The following ADGRB3 variants were observed in gnomAD, a reference collection of about 807,000 sequenced individuals.
ADGRB3 encodes the protein brain-specific angiogenesis inhibitor 3.
ADGRB3 carries 37 observed loss-of-function variants against 193.4 expected under a neutral mutation model. The ratio of observed to expected loss-of-function variants is 0.19; its 90% confidence interval spans 0.15 to 0.25. The LOEUF (loss-of-function observed/expected upper bound fraction) is 0.25. Among genes scored for constraint, ADGRB3 ranks in the 10% least tolerant of loss-of-function variants. The probability of loss-of-function intolerance (pLI) is 1.00; values close to 1 mark genes in which losing one functional copy is unlikely to be tolerated. For synonymous variants in ADGRB3, 690 were observed against 644.2 expected (o/e 1.07, Z -1.08); for missense variants, 1,637 against 1,852.9 (o/e 0.88, Z 2.14).
Position 68,827,642 on chromosome 6 carries a change from G to C in ADGRB3, c.758-102917G>C, listed in dbSNP as rs543732947. Among the ~76,000 whole-genome samples, 158 of 152,110 alleles carry C rather than the reference G, an allele frequency of 1.0e-3. 2 individuals carry two copies. The highest frequency in any genetic ancestry group is 3.7e-3 in the African/African-American group (153 of 41,510). On this transcript the variant is annotated intron_variant, in intron 3 of 31. Coordinates refer to ENST00000370598, the MANE Select transcript of ADGRB3 (RefSeq NM_001704.3). The stretch of plus-strand genomic sequence containing the variant: ...GCCAAGAGAGCTTAGGATTTAAAAG[G>C]ATGTTTATCTTCAGGGTTTTTTTTG...
chr6:69,387,042 C>T (rs558565608), intron 31 of ADGRB3, among the ~76,000 whole-genome samples: 1 of 152,202 alleles, frequency 6.6e-6, no homozygotes, highest in Non-Finnish European at 1.5e-5. Flanking sequence ...AGGCATTGAT[C>T]CACACGTTCT....
chr6:69,351,190 T>G (rs973116440), intron 26 of ADGRB3, among the ~76,000 whole-genome samples: 4 of 150,852 alleles, frequency 2.7e-5, no homozygotes, highest in Admixed American at 1.3e-4. Flanking sequence ...GCCTCCCGAG[T>G]TCAAGCAATT....
At chr6:69,375,482 C>T (rs1769796663) in intron 30 of ADGRB3, among the ~76,000 whole-genome samples, 1 of 152,030 alleles carries the variant, frequency 6.6e-6, no homozygotes. Flanking sequence ...AAAAAGAAGA[C>T]TCTTCAGTTC....
At chr6:69,089,302 A>T (rs954720223) in intron 17 of ADGRB3, among the ~76,000 whole-genome samples, 1 of 152,224 alleles carries the variant, frequency 6.6e-6, no homozygotes, top group African/African-American at 2.4e-5. Context: ...ATTGAGACCT[A>T]CTTTGAACAC....
intron 10 of ADGRB3, among the ~76,000 whole-genome samples, chr6:68,977,176 T>TA (rs1422881697): frequency 2.0e-5 from 3 of 151,158 alleles, no homozygotes; most frequent in Non-Finnish European, 4.4e-5. Context: ...ACATATAGCT[T>TA]AGCTTCATAA....
At chr6:68,986,168 A>G (rs141797166) in intron 10 of ADGRB3, among the ~76,000 whole-genome samples, 1 of 152,138 alleles carries the variant, frequency 6.6e-6, no homozygotes, top group East Asian at 1.9e-4. Context: ...TTACAGCAAA[A>G]TATGCACAGT....
chr6:69,312,096 G>A (rs781212256), intron 20 of ADGRB3, among the ~76,000 whole-genome samples: 2 of 151,720 alleles, frequency 1.3e-5, no homozygotes, highest in Non-Finnish European at 2.9e-5. Flanking sequence ...AGTGGAGCCA[G>A]CAGAGGGCTG....
chr6:69,048,307 A>G lies in ADGRB3; in HGVS notation c.2230A>G (p.Ser744Gly). Residue 744 changes from serine to glycine, a missense_variant, in exon 14 of 32, where the codon AGC (serine) becomes GGC (glycine). Coordinates refer to ENST00000370598, the MANE Select transcript of ADGRB3 (RefSeq NM_001704.3). ...AGAAGATAGGGTAGTAATTCCAAAAAGCATTTTCACTCCGGTGTCATCAAA... is the reference window on the plus strand; with the variant it reads ...AGAAGATAGGGTAGTAATTCCAAAAGGCATTTTCACTCCGGTGTCATCAAA... Reference protein sequence around the residue: ...NSEDRVVIPKSIFTPVSSKEL... With the variant: ...NSEDRVVIPKGIFTPVSSKEL... 1 of 1,613,620 alleles carries G rather than the reference A, an allele frequency of 6.2e-7. No individual in the cohort carries two copies. Among genetic ancestry groups the G allele is most frequent in the Non-Finnish European group, 8.5e-7 (1 of 1,179,706 alleles).
chr6:69,031,440 C>CAA (rs540284027), intron 13 of ADGRB3, among the ~76,000 whole-genome samples: 6,955 of 118,368 alleles, frequency 0.059, 672 homozygotes, highest in African/African-American at 0.19. Context: ...GACTCCATCT[C>CAA]AAAAAAAAAA....
intron 6 of ADGRB3, among the ~76,000 whole-genome samples, chr6:68,951,927 C>G (rs1330338659): frequency 6.6e-6 from 1 of 151,958 alleles, no homozygotes; most frequent in African/African-American, 2.4e-5. Flanking sequence ...CTTTAGCTCC[C>G]CAGTTAAACA....
At chr6:69,195,426 G>C (rs1765274759) in intron 17 of ADGRB3, among the ~76,000 whole-genome samples, 1 of 151,098 alleles carries the variant, frequency 6.6e-6, no homozygotes, top group South Asian at 2.1e-4. Context: ...TTGGGAGGCT[G>C]AGGTGGGAGG....
chr6:69,178,425 G>A (rs926945639), intron 17 of ADGRB3, among the ~76,000 whole-genome samples: 1 of 152,100 alleles, frequency 6.6e-6, no homozygotes, highest in Non-Finnish European at 1.5e-5. Context: ...TTGCCACTCT[G>A]TGCCTTTTAT....
chr6:69,239,791 T>C (rs924245786), intron 20 of ADGRB3, among the ~76,000 whole-genome samples: 7 of 152,054 alleles, frequency 4.6e-5, no homozygotes, highest in African/African-American at 1.7e-4. Context: ...AAAAGTGTAT[T>C]TTCTGTTTAT....
intron 3 of ADGRB3, among the ~76,000 whole-genome samples, chr6:68,883,854 A>G (rs748641144): frequency 6.6e-5 from 10 of 152,250 alleles, no homozygotes; most frequent in African/African-American, 7.2e-5. Flanking sequence ...ACACAGAAAT[A>G]CTGAGGCAAG....
intron 3 of ADGRB3, among the ~76,000 whole-genome samples, chr6:68,828,161 T>C (rs1299072610): frequency 6.6e-6 from 1 of 151,408 alleles, no homozygotes; most frequent in Non-Finnish European, 1.5e-5. Context: ...TAGAGTTATG[T>C]GGTACAAAGT....
intron 24 of ADGRB3, among the ~76,000 whole-genome samples, chr6:69,336,520 A>G (rs974295257): frequency 4.0e-4 from 61 of 152,144 alleles, no homozygotes; most frequent in African/African-American, 1.5e-3. Flanking sequence ...GAAAAATAAC[A>G]TGGAGAAGGG....
intron 13 of ADGRB3, among the ~76,000 whole-genome samples, chr6:69,025,717 G>T (rs1220802500): frequency 1.3e-5 from 2 of 151,994 alleles, no homozygotes; most frequent in Non-Finnish European, 2.9e-5. Context: ...TTTCTTTATT[G>T]TGCTAACATA....
intron 17 of ADGRB3, among the ~76,000 whole-genome samples, chr6:69,087,240 T>C (rs1582450784): frequency 6.6e-6 from 1 of 152,176 alleles, no homozygotes; most frequent in South Asian, 2.1e-4. Context: ...ATTTAAAAGA[T>C]AAAAAGTTTA....
At chr6:69,201,555 C>T (rs1354176527) in intron 17 of ADGRB3, among the ~76,000 whole-genome samples, 6 of 152,084 alleles carry the variant, frequency 3.9e-5, no homozygotes, top group Middle Eastern at 3.4e-3. Context: ...GGTTTTGCTT[C>T]ATTCTCTTCT....
Sources: gnomAD v4.1 joint callset for allele counts (sites outside exome capture counted in the v4.1 genomes callset) on GRCh38, gnomAD v4.1.1 for gene constraint, MANE v1.5 for transcripts, NCBI Gene and HGNC (gene_info 2026-07-23, HGNC 2026-07-21) for gene names.